Variants in SCAI observed in about 807,000 individuals in gnomAD.
SCAI encodes protein SCAI.
SCAI carries 24 observed loss-of-function variants against 92.2 expected under a neutral mutation model. The observed-to-expected ratio is 0.26, with a 90% CI of 0.19 to 0.37. The LOEUF (loss-of-function observed/expected upper bound fraction) is 0.37, where lower values mean the gene tolerates loss of function less well. SCAI is among the 10% of genes least tolerant of loss of function. The pLI, the probability that SCAI is intolerant of heterozygous loss-of-function variation, is 1.00. For missense variants in SCAI, 450 were observed against 736.2 expected (o/e 0.61, Z 4.50); for synonymous variants, 261 against 258.6 (o/e 1.01, Z -0.09).
chr9:125,070,449 G>C (rs1475010662), intron 2 of SCAI, among the ~76,000 whole-genome samples: 1 of 124,638 alleles, frequency 8.0e-6, no homozygotes, highest in Non-Finnish European at 1.6e-5. Context: ...GCCCAGGCTT[G>C]AGTGCAGCAG....
chr9:125,099,949 T>G (rs1299170447), intron 2 of SCAI, among the ~76,000 whole-genome samples: 1 of 152,244 alleles, frequency 6.6e-6, no homozygotes, highest in East Asian at 1.9e-4. Flanking sequence ...TCAATGGACA[T>G]CCGGGTTGTG....
At chr9:124,969,359 A>AG (rs1831607678) in intron 17 of SCAI, among the ~76,000 whole-genome samples, 1 of 152,212 alleles carries the variant, frequency 6.6e-6, no homozygotes, top group Admixed American at 6.5e-5. Flanking sequence ...TTTGAAAAAA[A>AG]AATTTTCCTT....
intron 2 of SCAI, among the ~76,000 whole-genome samples, chr9:125,108,289 G>A (rs1448679085): frequency 2.0e-5 from 3 of 152,236 alleles, no homozygotes; most frequent in Non-Finnish European, 4.4e-5. Flanking sequence ...CTGCCTGGCC[G>A]CCCATCATCT....
chr9:125,002,103 A>AT, intron 11 of SCAI, 60 bp from the exon 12 acceptor site: 1 of 1,167,064 alleles, frequency 8.6e-7, no homozygotes, highest in Admixed American at 1.7e-5. Flanking sequence ...ACATGGTTTT[A>AT]TTTAAAGTTC....
At chr9:125,001,682 T>C (rs1182871545) in intron 12 of SCAI, among the ~76,000 whole-genome samples, 2 of 152,240 alleles carry the variant, frequency 1.3e-5, no homozygotes, top group African/African-American at 4.8e-5. Context: ...TCCTTATGTA[T>C]ATCTAAATGT....
At chr9:124,993,786 G>T (rs573329378) in intron 14 of SCAI, among the ~76,000 whole-genome samples, 81 of 152,220 alleles carry the variant, frequency 5.3e-4, no homozygotes, top group African/African-American at 1.9e-3. Flanking sequence ...TTGGCTACCA[G>T]ACATTTTCAT....
At chr9:124,953,041 T>C in intron 17 of SCAI, 88 bp from the exon 18 acceptor site, 1 of 1,036,498 alleles carries the variant, frequency 9.6e-7, no homozygotes, top group Non-Finnish European at 1.5e-6. Context: ...GAGTAATATG[T>C]ATTTTCACTT....
Position 125,055,996 on chromosome 9 carries a change from G to C in SCAI, c.110C>G (p.Ala37Gly). 1.2e-6 allele frequency: 2 copies of C among 1,607,136 alleles called. No homozygotes were observed. Among genetic ancestry groups the C allele is most frequent in the Non-Finnish European group, 1.7e-6 (2 of 1,176,180 alleles). The change falls in exon 3 of 18, where the codon GCT becomes GGT. Residue 37 changes from alanine to glycine, a missense_variant. Ala to Gly is a moderately conservative substitution (Grantham distance 60). Coordinates refer to ENST00000336505, the MANE Select transcript of SCAI (RefSeq NM_001144877.3). ...TCCAGAGGACATGATTTCTTTAAGA[G>C]CAAATTCAGTCCTGTAAGAAAACAT... Reference protein sequence around the residue: ...PRKRRSRTEFALKEIMSSGGA... With the variant: ...PRKRRSRTEFGLKEIMSSGGA...
intron 14 of SCAI, among the ~76,000 whole-genome samples, chr9:124,985,426 A>G (rs1244373493): frequency 6.6e-6 from 1 of 152,198 alleles, no homozygotes; most frequent in Non-Finnish European, 1.5e-5. Flanking sequence ...CTCTCTGAAT[A>G]AAGGTATCCT....
At chr9:125,000,681 C>A (rs530853569) in intron 12 of SCAI, among the ~76,000 whole-genome samples, 4 of 149,974 alleles carry the variant, frequency 2.7e-5, no homozygotes, top group African/African-American at 7.4e-5. Context: ...TAAGTAAATA[C>A]AATTTTAAAT....
rs999957181 is a variant in SCAI, at chr9:124,944,269, A to G, written c.*8538T>C. The G allele has an allele frequency of 4.0e-5, 6 of 151,418 alleles. No individual in the cohort carries two copies. The highest frequency in any genetic ancestry group is 8.8e-5 in the Non-Finnish European group (6 of 67,804). 9.4% of individuals were successfully genotyped at this position (151,418 alleles called of 1,614,324 possible). Reference sequence around the variant, plus strand: ...ATGATACAGTAACAAGTTAACAAAAACCATTCTTCAGGAAATAGTAATAAA... The same window carrying G: ...ATGATACAGTAACAAGTTAACAAAAGCCATTCTTCAGGAAATAGTAATAAA... On this transcript the variant is annotated 3_prime_UTR_variant, in exon 18 of 18. Transcript: ENST00000336505.
At chr9:124,970,854 G>T (rs964354533) in intron 17 of SCAI, among the ~76,000 whole-genome samples, 6 of 151,696 alleles carry the variant, frequency 4.0e-5, no homozygotes, top group Non-Finnish European at 8.8e-5. Flanking sequence ...CGTTCTTGTC[G>T]TCCAGGCTGG....
chr9:124,991,805 C>G (rs1658581709), intron 14 of SCAI, among the ~76,000 whole-genome samples: 1 of 152,118 alleles, frequency 6.6e-6, no homozygotes, highest in East Asian at 1.9e-4. Flanking sequence ...CCACTGTACT[C>G]CAGCCTGGGC....
intron 2 of SCAI, among the ~76,000 whole-genome samples, chr9:125,060,868 C>T (rs1416397359): frequency 6.6e-6 from 1 of 152,136 alleles, no homozygotes; most frequent in Non-Finnish European, 1.5e-5. Context: ...TTGCAAAAGA[C>T]AAATAGTTTG....
At chr9:125,077,104 A>G (rs1834106279) in intron 2 of SCAI, among the ~76,000 whole-genome samples, 1 of 152,160 alleles carries the variant, frequency 6.6e-6, no homozygotes, top group Admixed American at 6.6e-5. Flanking sequence ...GCGCCACTGC[A>G]CTCAGGCTTG....
chr9:125,077,893 AT>A (rs1834125795), intron 2 of SCAI, among the ~76,000 whole-genome samples: 1 of 151,616 alleles, frequency 6.6e-6, no homozygotes, highest in Non-Finnish European at 1.5e-5. Flanking sequence ...TAATTTTTGT[AT>A]TTTTAGTAGA....
chr9:124,992,097 A>C (rs1053956665), intron 14 of SCAI, among the ~76,000 whole-genome samples: 1 of 152,002 alleles, frequency 6.6e-6, no homozygotes, highest in Admixed American at 6.6e-5. Flanking sequence ...TTAAATTTTT[A>C]AAATAGATTT....
chr9:125,103,617 C>G (rs559253643), intron 2 of SCAI, among the ~76,000 whole-genome samples: 1 of 152,190 alleles, frequency 6.6e-6, no homozygotes, highest in Non-Finnish European at 1.5e-5. Flanking sequence ...TCAGGTTAAA[C>G]AACTTTCTTA....
chr9:125,033,463 T>TAACAAC (rs201793470), intron 3 of SCAI, among the ~76,000 whole-genome samples: 58 of 151,740 alleles, frequency 3.8e-4, no homozygotes, highest in Admixed American at 1.4e-3. Context: ...AAATAAGGTA[T>TAACAAC]AACAACAACA....
Sources: allele counts gnomAD v4.1 joint callset (sites outside exome capture counted in the v4.1 genomes callset), GRCh38; gene constraint gnomAD v4.1.1; transcripts MANE v1.5; gene names NCBI Gene and HGNC (gene_info 2026-07-23, HGNC 2026-07-21).